Variants in PTPDC1 observed in about 807,000 individuals in gnomAD.
The protein encoded by PTPDC1 is protein tyrosine phosphatase domain-containing protein 1.
A neutral mutation model predicts 75.3 loss-of-function variants in PTPDC1; 53 were observed. The ratio of observed to expected loss-of-function variants is 0.70; its 90% confidence interval spans 0.56 to 0.88. The LOEUF is 0.88. Among genes scored for constraint, PTPDC1 ranks in the 40% least tolerant of loss-of-function variants. The probability of loss-of-function intolerance (pLI) is 0.00; values close to 1 mark genes in which losing one functional copy is unlikely to be tolerated. For synonymous variants in PTPDC1, 349 were observed against 366.2 expected, an observed-to-expected ratio of 0.95 and a Z score of 0.54; for missense variants, 925 against 998.6, an observed-to-expected ratio of 0.93 and a Z score of 0.99.
At position 94,085,327 on chromosome 9, in the gene PTPDC1, A is replaced by G. The variant is rs202218509; in HGVS notation, c.321A>G (p.Ala107=). ...RLRHVIPGHM[A]CSMACGGRAC... ...GGCATGTCATTCCTGGACACATGGCATGTTCCATGGCGTGTGGCGGTAGAG... is the reference window on the plus strand; with the variant it reads ...GGCATGTCATTCCTGGACACATGGCGTGTTCCATGGCGTGTGGCGGTAGAG... The change falls in exon 2 of 9, where the codon GCA becomes GCG. Residue 107 remains alanine, a synonymous_variant. Coordinates refer to ENST00000620992, the MANE Select transcript of PTPDC1 (RefSeq NM_001253829.2). 6.2e-7 allele frequency: 1 copy of G among 1,614,226 alleles called. No individual in the cohort carries two copies. Among genetic ancestry groups the G allele is most frequent in the African/African-American group, 1.3e-5 (1 of 75,068 alleles).
At position 94,098,703 on chromosome 9, in the gene PTPDC1, C is replaced by T. The variant is rs115086668; in HGVS notation, c.2013+124C>T. On this transcript the variant is annotated intron_variant, in intron 6 of 8. Coordinates refer to ENST00000620992, the MANE Select transcript of PTPDC1 (RefSeq NM_001253829.2). ...TGAAGATACGTTTGCATAATACTTTCTAACTTCAGGTTTCTCGTCTCTGAT... is the reference window on the plus strand; with the variant it reads ...TGAAGATACGTTTGCATAATACTTTTTAACTTCAGGTTTCTCGTCTCTGAT... The T allele has an allele frequency of 1.3e-4, 114 of 852,508 alleles. No homozygotes were observed. In the African/African-American group the frequency reaches 1.8e-3, roughly 14 times the overall value. The allele number at this position is 852,508 out of a possible 1,614,324, so 52.8% of individuals were successfully genotyped here. A position where few individuals can be genotyped will look rare whatever the true frequency, so the allele number is the denominator to read the frequency against.
intron 1 of PTPDC1, among the ~76,000 whole-genome samples, chr9:94,046,722 C>A (rs980480375): frequency 6.6e-6 from 1 of 152,104 alleles, no homozygotes; most frequent in African/African-American, 2.4e-5. Flanking sequence ...CTGAAGTTGC[C>A]TGTCAGCTTA....
At chr9:94,082,760 A>T (rs1271987860), upstream of PTPDC1, among the ~76,000 whole-genome samples, 3 of 152,172 alleles carry the variant, frequency 2.0e-5, no homozygotes, top group African/African-American at 7.2e-5. Context: ...ACTGTACGGT[A>T]ACTGGGGTAA....
At chr9:94,079,570 G>A (rs73518259), upstream of PTPDC1, among the ~76,000 whole-genome samples, 920 of 152,320 alleles carry the variant, frequency 6.0e-3, 12 homozygotes, top group African/African-American at 0.021. Flanking sequence ...TGTGACTACA[G>A]TTCAGCTTAT....
intron 2 of PTPDC1, among the ~76,000 whole-genome samples, chr9:94,066,400 ATTTTT>A (rs1188227469): frequency 6.6e-6 from 1 of 152,018 alleles, no homozygotes; most frequent in Non-Finnish European, 1.5e-5. Context: ...GATGGGAAGT[ATTTTT>A]TTAAATGTTA....
rs1178542375 is a variant in PTPDC1 at position 94,098,562 on chromosome 9, A to G, written c.1996A>G (p.Lys666Glu). ...ESVEKEELKRKVEMWQKELNS... is the reference protein window; with the variant it reads ...ESVEKEELKREVEMWQKELNS... ...TGTAGAAAAGGAGGAACTAAAAAGG[A>G]AGGTAGAAATGTGGCAGGTATTATT... The change falls in exon 6 of 9, where the codon AAG becomes GAG. Residue 666 changes from lysine to glutamate, a missense_variant. Physicochemically the swap from Lys to Glu is moderately conservative, Grantham distance 56 (BLOSUM62 1). Transcript: ENST00000620992. 1 of 1,613,502 alleles carries G rather than the reference A, an allele frequency of 6.2e-7. No homozygotes were observed. Among genetic ancestry groups the G allele is most frequent in the Admixed American group, 1.7e-5 (1 of 60,022 alleles).
intron 7 of PTPDC1, among the ~76,000 whole-genome samples, chr9:94,103,053 C>T (rs1827901445): frequency 6.6e-6 from 1 of 151,926 alleles, no homozygotes; most frequent in Non-Finnish European, 1.5e-5. Context: ...TGCAGACATG[C>T]AGATACATGT....
At chr9:94,073,567 A>G (rs973181761) in intron 2 of PTPDC1, among the ~76,000 whole-genome samples, 1 of 151,924 alleles carries the variant, frequency 6.6e-6, no homozygotes, top group Non-Finnish European at 1.5e-5. Context: ...ACTGATTTGC[A>G]CTGTTGTTTT....
At chr9:94,087,630 G>A (rs1827123186) in intron 2 of PTPDC1, among the ~76,000 whole-genome samples, 1 of 152,162 alleles carries the variant, frequency 6.6e-6, no homozygotes, top group Non-Finnish European at 1.5e-5. Flanking sequence ...ACATTTTAGT[G>A]CATACCTTTT....
intron 1 of PTPDC1, among the ~76,000 whole-genome samples, chr9:94,046,037 G>A (rs1165089765): frequency 1.3e-5 from 2 of 152,106 alleles, no homozygotes; most frequent in Non-Finnish European, 2.9e-5. Context: ...TGTAAGGAAG[G>A]GATCCAGTTT....
At chr9:94,032,091 A>G (rs1041905632) in intron 1 of PTPDC1, among the ~76,000 whole-genome samples, 2 of 152,212 alleles carry the variant, frequency 1.3e-5, no homozygotes, top group African/African-American at 4.8e-5. Context: ...GTGACGTGTC[A>G]CAGTCAGAGC....
intron 2 of PTPDC1, among the ~76,000 whole-genome samples, chr9:94,078,691 G>C (rs1395368259): frequency 6.6e-6 from 1 of 152,114 alleles, no homozygotes; most frequent in African/African-American, 2.4e-5. Context: ...TTTTCAGAGT[G>C]CATAATCTCT....
chr9:94,082,266 A>AAGAATGCGGATAGGTGGGCCTCCCACGC (rs1826908352), upstream of PTPDC1, among the ~76,000 whole-genome samples: 1 of 152,238 alleles, frequency 6.6e-6, no homozygotes, highest in African/African-American at 2.4e-5. Flanking sequence ...CCGTGGACTT[A>AAGAATGCGGATAGGTGGGCCTCCCACGC]AGAATGCGGA....
intron 1 of PTPDC1, among the ~76,000 whole-genome samples, chr9:94,061,103 A>C (rs1726270908): frequency 6.6e-6 from 1 of 152,206 alleles, no homozygotes; most frequent in African/African-American, 2.4e-5. Flanking sequence ...TACAATGGGG[A>C]TATAGGCATG....
In PTPDC1 at chr9:94,095,369, T is replaced by C. The variant is rs1827523669; in HGVS notation, c.669T>C (p.Thr223=). 3.1e-6 allele frequency: 5 copies of C among 1,612,226 alleles called. No individual in the cohort carries two copies. The highest frequency in any genetic ancestry group is 4.2e-6 in the Non-Finnish European group (5 of 1,178,288). The change falls in exon 5 of 9, where the codon ACT becomes ACC. Residue 223 remains threonine, a synonymous_variant. Coordinates refer to ENST00000620992, the MANE Select transcript of PTPDC1 (RefSeq NM_001253829.2). ...ATTATGGTGTAGCGTCTCTTACTAC[T>C]ATCCTAGATATGGTGAAGGTGATGA... ...WKDYGVASLT[T]ILDMVKVMTF...
chr9:94,038,002 T>C (rs1564006762), intron 1 of PTPDC1: 2 of 339,814 alleles, frequency 5.9e-6, no homozygotes, highest in Admixed American at 7.4e-5. Flanking sequence ...GGAACCTTCG[T>C]TGCGCCAGCG....
In PTPDC1 at chr9:94,085,614, G is replaced by A. The variant is rs369882265; in HGVS notation, c.416+192G>A. On this transcript the variant is annotated intron_variant, in intron 2 of 8. Coordinates refer to ENST00000620992, the MANE Select transcript of PTPDC1 (RefSeq NM_001253829.2). ...GACCCTCAGTTTCTTTATCTGTAAG[G>A]TGGAAATAATAAAACCAAAACCATA... Among the ~76,000 whole-genome samples the A allele has an allele frequency of 5.6e-4, 85 of 152,272 alleles. 2 individuals carry two copies. The Middle Eastern group carries it at 0.014, about 24-fold the overall frequency.
chr9:94,045,930 C>T (rs1294142396), intron 1 of PTPDC1, among the ~76,000 whole-genome samples: 1 of 152,144 alleles, frequency 6.6e-6, no homozygotes, highest in Admixed American at 6.6e-5. Context: ...ATGCTTATGT[C>T]CTGAATGGTA....
chr9:94,044,419 C>G (rs1365972910), intron 1 of PTPDC1, among the ~76,000 whole-genome samples: 1 of 152,160 alleles, frequency 6.6e-6, no homozygotes, highest in Non-Finnish European at 1.5e-5. Context: ...AGGTATTAAG[C>G]CCAGCATTAG....
Sources: gnomAD v4.1 joint callset for allele counts (sites outside exome capture counted in the v4.1 genomes callset) on GRCh38, gnomAD v4.1.1 for gene constraint, MANE v1.5 for transcripts, NCBI Gene and HGNC (gene_info 2026-07-23, HGNC 2026-07-21) for gene names.